The following CCDC178 variants were observed in gnomAD, a reference collection of about 807,000 sequenced individuals.
The protein encoded by CCDC178 is coiled-coil domain-containing protein 178.
Under a neutral mutation model 117.4 loss-of-function variants are expected in CCDC178, and 126 were observed. That is an observed-to-expected ratio of 1.07 (90% CI 0.93 to 1.24). The LOEUF is 1.24. Ranked by LOEUF, CCDC178 falls within the 50% of genes most tolerant of loss-of-function variation. The pLI, the probability that CCDC178 is intolerant of heterozygous loss-of-function variation, is 0.00. For missense variants in CCDC178, 1,030 were observed against 986.9 expected (o/e 1.04, Z -0.59); for synonymous variants, 283 against 313.4 (o/e 0.90, Z 1.02).
chr18:33,333,013 T>TA (rs768814820), intron 10 of CCDC178, among the ~76,000 whole-genome samples, 161 bp downstream of exon 10: 2 of 147,564 alleles, frequency 1.4e-5, no homozygotes, highest in African/African-American at 2.5e-5. Flanking sequence ...AAGACATAGT[T>TA]AAAATGAATA....
rs1359595798 is a variant in CCDC178 at position 33,346,426 on chromosome 18, A to G, written c.458-15T>C. 6.4e-7 allele frequency: 1 copy of G among 1,557,898 alleles called. No homozygotes were observed. Among genetic ancestry groups the G allele is most frequent in the African/African-American group, 1.4e-5 (1 of 73,416 alleles). ...ACACTTTTCATCTTAAACAGAAATA[A>G]ATATTCACATTTGTTAATAAATCAG... is the stretch of plus-strand genomic sequence containing the variant. On this transcript the variant is annotated splice_polypyrimidine_tract_variant and intron_variant, in intron 8 of 22. Coordinates refer to ENST00000383096, the MANE Select transcript of CCDC178 (RefSeq NM_001105528.4).
chr18:33,210,382 C>T (rs1181811572), intron 20 of CCDC178, among the ~76,000 whole-genome samples: 1 of 151,856 alleles, frequency 6.6e-6, no homozygotes, highest in Non-Finnish European at 1.5e-5. Context: ...CAGGGACAGG[C>T]TTTTTGATGA....
intron 21 of CCDC178, among the ~76,000 whole-genome samples, chr18:32,997,588 A>G (rs1342486740): frequency 6.6e-6 from 1 of 152,098 alleles, no homozygotes; most frequent in Non-Finnish European, 1.5e-5. Flanking sequence ...CTCTCTTTAT[A>G]ATATACATAA....
chr18:33,383,881 T>A (rs922443143), intron 5 of CCDC178, among the ~76,000 whole-genome samples: 2 of 151,990 alleles, frequency 1.3e-5, no homozygotes, highest in East Asian at 3.9e-4. Flanking sequence ...CTAACAGAAG[T>A]AGGCTTCACA....
chr18:33,365,861 T>A (rs887674787), intron 6 of CCDC178, among the ~76,000 whole-genome samples: 8 of 152,114 alleles, frequency 5.3e-5, no homozygotes, highest in Non-Finnish European at 1.0e-4. Context: ...TTTATTTGTA[T>A]GAGAAGATAT....
intron 15 of CCDC178, among the ~76,000 whole-genome samples, chr18:33,230,539 A>G (rs2059357534): frequency 1.3e-5 from 2 of 152,218 alleles, no homozygotes; most frequent in African/African-American, 4.8e-5. Context: ...ATGATTAACA[A>G]ACAAGCTTGC....
chr18:32,993,386 C>T (rs1415015505), intron 21 of CCDC178, among the ~76,000 whole-genome samples: 1 of 152,148 alleles, frequency 6.6e-6, no homozygotes, highest in Non-Finnish European at 1.5e-5. Context: ...ATGGCAATGA[C>T]CCGACAACCC....
intron 15 of CCDC178, 41 bp downstream of exon 15, chr18:33,245,203 CT>C: frequency 5.5e-6 from 8 of 1,448,678 alleles, no homozygotes; most frequent in Admixed American, 2.5e-5. Flanking sequence ...GTAAATTACT[CT>C]TTTTTTCATC....
At chr18:33,110,608 A>T (rs1291570384) in intron 20 of CCDC178, among the ~76,000 whole-genome samples, 1 of 151,606 alleles carries the variant, frequency 6.6e-6, no homozygotes, top group Non-Finnish European at 1.5e-5. Flanking sequence ...TTTTAAAAAA[A>T]TATTTAGATA....
intron 20 of CCDC178, among the ~76,000 whole-genome samples, chr18:33,135,024 A>T (rs1312779977): frequency 6.6e-6 from 1 of 152,148 alleles, no homozygotes; most frequent in Non-Finnish European, 1.5e-5. Context: ...AGGGAGCAGT[A>T]TTTCAGAAAA....
intron 22 of CCDC178, among the ~76,000 whole-genome samples, chr18:32,949,451 T>C (rs1211502222): frequency 6.6e-6 from 1 of 152,150 alleles, no homozygotes; most frequent in Non-Finnish European, 1.5e-5. Context: ...TTTCTTTCAT[T>C]TTGGACAGTT....
chr18:33,042,122 G>T (rs148178877), intron 21 of CCDC178, among the ~76,000 whole-genome samples: 1 of 152,008 alleles, frequency 6.6e-6, no homozygotes, highest in East Asian at 1.9e-4. Flanking sequence ...CAGGGAACAA[G>T]ACATTCACAT....
At chr18:33,211,829 A>G in intron 20 of CCDC178, 67 bp downstream of exon 20, 1 of 1,369,904 alleles carries the variant, frequency 7.3e-7, no homozygotes, top group Non-Finnish European at 1.0e-6. Context: ...AAATTGTCTC[A>G]AACTAGCTGC....
At chr18:33,394,225 T>A (rs538609307) in intron 4 of CCDC178, among the ~76,000 whole-genome samples, 1 of 151,956 alleles carries the variant, frequency 6.6e-6, no homozygotes, top group Non-Finnish European at 1.5e-5. Context: ...GAAAAAAATC[T>A]CAAAGTGAGA....
At chr18:33,391,142 T>A (rs1257007032) in intron 4 of CCDC178, among the ~76,000 whole-genome samples, 1 of 149,732 alleles carries the variant, frequency 6.7e-6, no homozygotes, top group African/African-American at 2.4e-5. Context: ...CAGAAAAAAA[T>A]TATAAATAAA....
chr18:33,204,085 T>A (rs1039477965), intron 20 of CCDC178, among the ~76,000 whole-genome samples: 1 of 152,018 alleles, frequency 6.6e-6, no homozygotes, highest in African/African-American at 2.4e-5. Flanking sequence ...TTTAATTATA[T>A]AGAAAACAGA....
intron 6 of CCDC178, among the ~76,000 whole-genome samples, chr18:33,367,999 T>C (rs1292673559): frequency 6.6e-6 from 1 of 151,980 alleles, no homozygotes; most frequent in Non-Finnish European, 1.5e-5. Flanking sequence ...GTGTGTTTCT[T>C]CTCAAAGTAT....
At chr18:33,324,124 C>G (rs1432994532) in intron 10 of CCDC178, among the ~76,000 whole-genome samples, 1 of 151,774 alleles carries the variant, frequency 6.6e-6, no homozygotes, top group Non-Finnish European at 1.5e-5. Context: ...AAACATCATA[C>G]TAATCTCCTC....
chr18:33,367,156 G>A (rs1328683065), intron 6 of CCDC178, among the ~76,000 whole-genome samples: 1 of 152,042 alleles, frequency 6.6e-6, no homozygotes, highest in African/African-American at 2.4e-5. Flanking sequence ...TATGGGGAAT[G>A]TGTGATGTTT....
Sources: gnomAD v4.1 joint callset for allele counts (sites outside exome capture counted in the v4.1 genomes callset) on GRCh38, gnomAD v4.1.1 for gene constraint, MANE v1.5 for transcripts, NCBI Gene and HGNC (gene_info 2026-07-23, HGNC 2026-07-21) for gene names.